The following KCTD1 variants were observed in gnomAD, a reference collection of about 807,000 sequenced individuals.
KCTD1 encodes the protein potassium channel tetramerization domain containing 1.
In KCTD1, 24 loss-of-function variants were observed where a neutral mutation model predicts 66.0. The observed-to-expected ratio is 0.36, with a 90% CI of 0.26 to 0.51. The LOEUF (loss-of-function observed/expected upper bound fraction) is 0.51, where lower values mean the gene tolerates loss of function less well. KCTD1 is among the 20% of genes least tolerant of loss of function. The pLI is 0.95. For synonymous variants in KCTD1, 511 were observed against 517.2 expected (o/e 0.99, Z 0.16); for missense variants, 943 against 1,205.2 (o/e 0.78, Z 3.22).
Position 26,499,395 on chromosome 18 carries a change from T to G in KCTD1, c.1988+1677A>C, listed in dbSNP as rs555271993. Among the ~76,000 whole-genome samples, 3 of 152,344 alleles carry G rather than the reference T, an allele frequency of 2.0e-5. No homozygotes were observed. The South Asian group carries it at 6.2e-4, about 32-fold the overall frequency. The stretch of plus-strand genomic sequence containing the variant: ...TTATAATATGATTTTTCGTAGTACC[T>G]ATTCCAATATACTTAGGGAAGGTGG... On this transcript the variant is annotated intron_variant, in intron 2 of 4. Coordinates refer to ENST00000580059, the MANE Select transcript of KCTD1 (RefSeq NM_001142730.3).
At chr18:26,549,073 G>C, upstream of KCTD1, 5 of 985,244 alleles carry the variant, frequency 5.1e-6, no homozygotes, top group Non-Finnish European at 4.8e-6. Flanking sequence ...GTGCTGCCGC[G>C]GGAAACCCGT....
At chr18:26,568,298 C>T (rs548838136) in intron 1 of KCTD1, among the ~76,000 whole-genome samples, 163 of 152,134 alleles carry the variant, frequency 1.1e-3, no homozygotes, top group Non-Finnish European at 2.1e-3. Flanking sequence ...AGTGAAGTGT[C>T]ACTCCTAGCT....
In KCTD1 at chr18:26,455,628, T is replaced by C. The variant is rs1460930057; in HGVS notation, c.*115A>G. The stretch of plus-strand genomic sequence containing the variant: ...CTCTATTGGATATAAATGTGTCTTT[T>C]ATTCGATTTTACGTCCAGGACTTGG... On this transcript the variant is annotated 3_prime_UTR_variant, in exon 5 of 5. Transcript: ENST00000580059. 1 of 1,312,644 alleles carries C rather than the reference T, an allele frequency of 7.6e-7. No homozygotes were observed. The highest frequency in any genetic ancestry group is 1.1e-6 in the Non-Finnish European group (1 of 929,788). The allele number at this position is 1,312,644 out of a possible 1,614,324, so 81.3% of individuals were successfully genotyped here. A position where few individuals can be genotyped will look rare whatever the true frequency, so the allele number is the denominator to read the frequency against.
At chr18:26,550,196 T>C (rs1336417031), upstream of KCTD1, among the ~76,000 whole-genome samples, 2 of 152,164 alleles carry the variant, frequency 1.3e-5, no homozygotes, top group African/African-American at 4.8e-5. This position sits in a 1 kb window ranked among gnomAD's most constrained non-coding sequence, Gnocchi z 5.4. Context: ...CGTCCTCGAA[T>C]TTACCTCCAA....
At chr18:26,494,093 C>T (rs940975112) in intron 2 of KCTD1, among the ~76,000 whole-genome samples, 1 of 152,136 alleles carries the variant, frequency 6.6e-6, no homozygotes. Flanking sequence ...GAACGGGCCA[C>T]GCTCAGTGGT....
intron 1 of KCTD1, among the ~76,000 whole-genome samples, chr18:26,583,325 C>T (rs1253840243): frequency 1.5e-5 from 2 of 132,746 alleles, no homozygotes; most frequent in Non-Finnish European, 3.1e-5. Flanking sequence ...ACCCAGGAGG[C>T]GAAGGTTGCA....
intron 3 of KCTD1, among the ~76,000 whole-genome samples, chr18:26,465,020 A>C (rs924825429): frequency 3.3e-5 from 5 of 152,138 alleles, no homozygotes; most frequent in Admixed American, 6.5e-5. Flanking sequence ...TGGCCACTGC[A>C]GTTTTTTCAG....
intron 1 of KCTD1, among the ~76,000 whole-genome samples, chr18:26,598,504 G>T (rs1167038550): frequency 2.5e-5 from 3 of 118,396 alleles, no homozygotes; most frequent in Non-Finnish European, 3.6e-5. Context: ...ACACGTTTTT[G>T]ATTTTCTAGG....
chr18:26,635,774 G>A (rs1279621602), intron 1 of KCTD1, among the ~76,000 whole-genome samples: 1 of 152,196 alleles, frequency 6.6e-6, no homozygotes, highest in African/African-American at 2.4e-5. Flanking sequence ...TAGATGCTTG[G>A]TGAGATCAGA....
intron 1 of KCTD1, among the ~76,000 whole-genome samples, chr18:26,609,112 T>G (rs148356377): frequency 2.7e-4 from 41 of 151,460 alleles, no homozygotes; most frequent in Admixed American, 6.6e-4. Context: ...TCTCTGGATT[T>G]ATAGGATAAA....
chr18:26,506,444 C>T (rs1336872392), intron 1 of KCTD1, among the ~76,000 whole-genome samples: 1 of 152,136 alleles, frequency 6.6e-6, no homozygotes, highest in Non-Finnish European at 1.5e-5. Context: ...TTAACAAACA[C>T]TGGGAGGTTG....
chr18:26,656,040 G>A (rs1034606645), intron 1 of KCTD1, among the ~76,000 whole-genome samples: 2 of 152,148 alleles, frequency 1.3e-5, no homozygotes, highest in East Asian at 1.9e-4. Flanking sequence ...GGAGTGGGTA[G>A]GGGGGCGGCG....
chr18:26,525,375 G>A (rs1236731647), intron 1 of KCTD1, among the ~76,000 whole-genome samples: 1 of 152,152 alleles, frequency 6.6e-6, no homozygotes, highest in Non-Finnish European at 1.5e-5. Flanking sequence ...CATTTCCAGG[G>A]CTGAATTCAG....
At chr18:26,483,457 T>TG (rs904395291) in intron 2 of KCTD1, among the ~76,000 whole-genome samples, 7 of 152,000 alleles carry the variant, frequency 4.6e-5, no homozygotes, top group Non-Finnish European at 8.8e-5. Context: ...TTGGTAGAGT[T>TG]GGGGTTTCAC....
chr18:26,613,922 A>G (rs1272186118), intron 1 of KCTD1, among the ~76,000 whole-genome samples: 2 of 152,150 alleles, frequency 1.3e-5, no homozygotes, highest in Admixed American at 1.3e-4. Flanking sequence ...ATTCAGGCCT[A>G]CACTCAATGG....
intron 2 of KCTD1, among the ~76,000 whole-genome samples, chr18:26,482,187 A>G (rs1981684018): frequency 6.6e-6 from 1 of 152,220 alleles, no homozygotes; most frequent in South Asian, 2.1e-4. Context: ...AATGGCTCTA[A>G]TGCCAGTTAC....
intron 1 of KCTD1, among the ~76,000 whole-genome samples, chr18:26,564,194 C>T (rs533483773): frequency 1.3e-5 from 2 of 152,290 alleles, no homozygotes; most frequent in East Asian, 3.9e-4. Context: ...GGGATGCTAA[C>T]TCAGACTGAG....
intron 1 of KCTD1, among the ~76,000 whole-genome samples, chr18:26,512,702 C>T (rs1598908461): frequency 6.6e-6 from 1 of 151,964 alleles, no homozygotes; most frequent in Non-Finnish European, 1.5e-5. Flanking sequence ...ATTTTTTGGC[C>T]GCATGAGGTG....
chr18:26,628,226 C>A (rs568836864), intron 1 of KCTD1, among the ~76,000 whole-genome samples: 2 of 152,150 alleles, frequency 1.3e-5, no homozygotes, highest in Non-Finnish European at 2.9e-5. Context: ...CACTTGTAAA[C>A]AGGACCTAGA....
Sources: gnomAD v4.1 joint callset for allele counts (sites outside exome capture counted in the v4.1 genomes callset) on GRCh38, gnomAD v4.1.1 for gene constraint, Gnocchi (gnomAD v3.1) non-coding constraint, MANE v1.5 for transcripts, NCBI Gene and HGNC (gene_info 2026-07-23, HGNC 2026-07-21) for gene names.